The following IRAK1BP1 variants were observed in gnomAD, a reference collection of about 807,000 sequenced individuals.
IRAK1BP1 encodes interleukin 1 receptor associated kinase 1 binding protein 1, also known as interleukin-1 receptor-associated kinase 1-binding protein 1.
A neutral mutation model predicts 28.0 loss-of-function variants in IRAK1BP1; 24 were observed. The ratio of observed to expected loss-of-function variants is 0.86; its 90% confidence interval spans 0.62 to 1.20. The LOEUF is 1.20. IRAK1BP1 is among the 50% of genes most tolerant of loss of function. The probability of loss-of-function intolerance (pLI) is 0.00; values close to 1 mark genes in which losing one functional copy is unlikely to be tolerated. For missense variants in IRAK1BP1, 336 were observed against 316.7 expected (o/e 1.06, Z -0.46); for synonymous variants, 131 against 116.3 (o/e 1.13, Z -0.81).
the IRAK1BP1 span, among the ~76,000 whole-genome samples, chr6:78,973,855 G>C: frequency 1.1e-4 from 17 of 151,564 alleles, no homozygotes; most frequent in African/African-American, 4.1e-4. Context: ...ACCCAATACA[G>C]GAGCACCCAG....
At chr6:78,903,180 A>G (rs1323749452), downstream of IRAK1BP1, 2 of 854,946 alleles carry the variant, frequency 2.3e-6, no homozygotes, top group Non-Finnish European at 3.6e-6. Context: ...TTTGCTACAT[A>G]GGGTTTAAAC....
chr6:78,872,087 T>C, intron 1 of IRAK1BP1: 1 of 700,238 alleles, frequency 1.4e-6, no homozygotes, highest in South Asian at 1.5e-5. Flanking sequence ...GGGAAATGAA[T>C]GGAAAGAGAC....
At chr6:78,955,425 G>C in the IRAK1BP1 span, 6 of 627,920 alleles carry the variant, frequency 9.6e-6, no homozygotes, top group African/African-American at 1.2e-4. Flanking sequence ...CATTAAAAAG[G>C]TTCCCCCCAT....
chr6:78,969,152 T>C, the IRAK1BP1 span, among the ~76,000 whole-genome samples: 2 of 152,194 alleles, frequency 1.3e-5, no homozygotes, highest in Non-Finnish European at 2.9e-5. Context: ...GCTTCCAAAT[T>C]TTCCTAATTT....
downstream of IRAK1BP1, among the ~76,000 whole-genome samples, chr6:78,905,544 T>C (rs1302203556): frequency 6.6e-6 from 1 of 152,246 alleles, no homozygotes; most frequent in African/African-American, 2.4e-5. Context: ...GCCTATAATA[T>C]TACTTCCAGA....
chr6:78,877,619 A>G (rs1656997504), intron 1 of IRAK1BP1, among the ~76,000 whole-genome samples: 1 of 152,126 alleles, frequency 6.6e-6, no homozygotes, highest in Non-Finnish European at 1.5e-5. Flanking sequence ...GGTTCATCTC[A>G]CTAGGGCTTG....
chr6:78,872,125 A>G (rs1346298016), intron 1 of IRAK1BP1: 1 of 701,960 alleles, frequency 1.4e-6, no homozygotes, highest in Non-Finnish European at 2.6e-6. Flanking sequence ...TTGGGGTCGG[A>G]TAATTCTGAG....
intron 4 of IRAK1BP1, among the ~76,000 whole-genome samples, chr6:78,918,895 A>G (rs1772644304): frequency 1.3e-5 from 2 of 152,204 alleles, no homozygotes; most frequent in African/African-American, 4.8e-5. Context: ...CAACCACAGA[A>G]TATAGTTCTT....
At position 78,897,834 on chromosome 6, in the gene IRAK1BP1, C is replaced by G; in HGVS notation, c.387C>G (p.Cys129Trp). Reference sequence around the variant, plus strand: ...TCGTGTCATTTCATTTACAGGTCTGCATTACATTTACTGAATTTGGAAAAA... The same window carrying G: ...TCGTGTCATTTCATTTACAGGTCTGGATTACATTTACTGAATTTGGAAAAA... ...ENAYHMEAEV[C>W]ITFTEFGKMQ... Residue 129 changes from cysteine (C) to tryptophan (W), a missense_variant, in exon 3 of 4, where the codon TGC (cysteine) becomes TGG (tryptophan). Physicochemically the swap from Cys to Trp is radical, Grantham distance 215. Transcript: ENST00000369940. 2 of 1,611,770 alleles carry G rather than the reference C, an allele frequency of 1.2e-6. No individual in the cohort carries two copies. Among genetic ancestry groups the G allele is most frequent in the Non-Finnish European group, 1.7e-6 (2 of 1,178,526 alleles).
At chr6:78,947,784 G>A (rs749695895), downstream of IRAK1BP1, 12 of 1,591,074 alleles carry the variant, frequency 7.5e-6, no homozygotes, top group Non-Finnish European at 1.0e-5. Context: ...TCCTAGGAGA[G>A]GGAAAACAGG....
At chr6:78,964,808 T>C in the IRAK1BP1 span, among the ~76,000 whole-genome samples, 1 of 152,324 alleles carries the variant, frequency 6.6e-6, no homozygotes, top group African/African-American at 2.4e-5. Context: ...TATTATTTTT[T>C]AAAAATCAAA....
chr6:78,924,515 T>C (rs1469631406), intron 4 of IRAK1BP1, among the ~76,000 whole-genome samples: 1 of 152,198 alleles, frequency 6.6e-6, no homozygotes, highest in African/African-American at 2.4e-5. Flanking sequence ...CCATTCCTTC[T>C]GAAACTATTC....
At chr6:78,962,147 A>G in the IRAK1BP1 span, among the ~76,000 whole-genome samples, 2 of 152,158 alleles carry the variant, frequency 1.3e-5, no homozygotes, top group South Asian at 4.1e-4. Flanking sequence ...AAGCCATTCT[A>G]TTATTAACAC....
intron 1 of IRAK1BP1, among the ~76,000 whole-genome samples, chr6:78,869,909 G>A (rs1026592540): frequency 6.6e-6 from 1 of 151,980 alleles, no homozygotes; most frequent in Non-Finnish European, 1.5e-5. Flanking sequence ...AGGAGTTCAA[G>A]ACCAGCCTGA....
At chr6:78,885,500 ATTC>A (rs1447835379) in intron 2 of IRAK1BP1, 57 bp downstream of exon 2, 3 of 794,468 alleles carry the variant, frequency 3.8e-6, no homozygotes, top group Non-Finnish European at 6.1e-6. Flanking sequence ...AGTCATTTTT[ATTC>A]TTGAACTGAA....
downstream of IRAK1BP1, among the ~76,000 whole-genome samples, chr6:78,907,136 G>A (rs890361097): frequency 6.6e-6 from 1 of 151,872 alleles, no homozygotes; most frequent in Non-Finnish European, 1.5e-5. Context: ...CAGTATATGA[G>A]GAAAAAAGAT....
rs74433134 is a variant in IRAK1BP1, at chr6:78,892,925, T to C, written c.382-4904T>C. ...CGAGTTAATAAAATGTAGGACAACA[T>C]CAAATAGCCTATTATACATATAATT... On this transcript the variant is annotated intron_variant, in intron 2 of 3. Transcript: ENST00000369940. 5.8e-3 allele frequency among the ~76,000 whole-genome samples: 884 copies of C among 151,758 alleles called. 13 individuals are homozygous for C. The highest frequency in any genetic ancestry group is 0.02 in the African/African-American group (840 of 41,416).
chr6:78,868,805 T>A (rs1433796261), intron 1 of IRAK1BP1, among the ~76,000 whole-genome samples: 3 of 152,118 alleles, frequency 2.0e-5, no homozygotes, highest in Non-Finnish European at 2.9e-5. Flanking sequence ...AAATTAGAAA[T>A]CATAGGGATC....
At chr6:78,965,697 A>G in the IRAK1BP1 span, 17 of 1,495,214 alleles carry the variant, frequency 1.1e-5, no homozygotes, top group Admixed American at 2.9e-4. Flanking sequence ...CCTAACACAC[A>G]CTTACCATTA....
Sources: allele counts gnomAD v4.1 joint callset (sites outside exome capture counted in the v4.1 genomes callset), GRCh38; gene constraint gnomAD v4.1.1; transcripts MANE v1.5; gene names NCBI Gene and HGNC (gene_info 2026-07-23, HGNC 2026-07-21).